The following SUSD1 variants were observed in gnomAD, a reference collection of about 807,000 sequenced individuals.
SUSD1 encodes sushi domain containing 1.
In SUSD1, 65 loss-of-function variants were observed where a neutral mutation model predicts 86.9. The ratio of observed to expected loss-of-function variants is 0.75; its 90% confidence interval spans 0.61 to 0.92. The LOEUF is 0.92. Among genes scored for constraint, SUSD1 ranks in the 40% least tolerant of loss-of-function variants. The pLI is 0.00. For missense variants in SUSD1, 850 were observed against 929.7 expected, an observed-to-expected ratio of 0.91 and a Z score of 1.11; for synonymous variants, 346 against 350.0, an observed-to-expected ratio of 0.99 and a Z score of 0.13.
intron 1 of SUSD1, among the ~76,000 whole-genome samples, chr9:112,162,323 G>A (rs1833606303): frequency 6.6e-6 from 1 of 152,124 alleles, no homozygotes; most frequent in African/African-American, 2.4e-5. Flanking sequence ...ATTTCTATAG[G>A]GAAATCATTT....
intron 15 of SUSD1, among the ~76,000 whole-genome samples, chr9:112,047,557 A>T (rs1361223238): frequency 6.6e-6 from 1 of 152,134 alleles, no homozygotes; most frequent in Non-Finnish European, 1.5e-5. Flanking sequence ...AACTCACTTG[A>T]AATTTAATCC....
chr9:112,120,601 G>A (rs937599055), intron 6 of SUSD1, among the ~76,000 whole-genome samples: 2 of 152,228 alleles, frequency 1.3e-5, no homozygotes, highest in African/African-American at 4.8e-5. Flanking sequence ...AGCTCTCAGG[G>A]AGAATGCCTT....
intron 15 of SUSD1, 81 bp downstream of exon 15, chr9:112,052,318 T>C (rs1442970320): frequency 1.9e-6 from 3 of 1,611,180 alleles, no homozygotes; most frequent in Non-Finnish European, 2.5e-6. Flanking sequence ...GTGACAATTA[T>C]ATAAACAGAT....
intron 5 of SUSD1, chr9:112,137,682 A>G (rs1314537372): frequency 6.6e-6 from 1 of 152,204 alleles, no homozygotes; most frequent in Non-Finnish European, 1.5e-5. Flanking sequence ...TAACTTAGCC[A>G]TGCACATCAC....
intron 2 of SUSD1, among the ~76,000 whole-genome samples, chr9:112,154,199 A>G (rs1486969938): frequency 6.6e-6 from 1 of 152,044 alleles, no homozygotes. Flanking sequence ...TATTAAAACT[A>G]TCAGTGGGGC....
chr9:112,051,431 TTTG>T lies in SUSD1; in HGVS notation c.2149+965_2149+967del, dbSNP rs1270494254. ...TTCTTTTTTTTTTTTTTTTTTTTTT[TTTG>T]TTGTTGTTGTTGTTGAGATGGAGTT... On this transcript the variant is annotated intron_variant, in intron 15 of 16. Transcript: ENST00000374270. 2.2e-3 allele frequency among the ~76,000 whole-genome samples: 236 copies of T among 109,706 alleles called. 11 individuals carry two copies. The highest frequency in any genetic ancestry group is 0.012 in the East Asian group (33 of 2,818). The allele number at this position is 109,706 out of a possible 152,430, so 72.0% of individuals were successfully genotyped here. A position where few individuals can be genotyped will look rare whatever the true frequency, so the allele number is the denominator to read the frequency against.
At chr9:112,072,286 A>AT (rs1193283194) in intron 12 of SUSD1, among the ~76,000 whole-genome samples, 9 of 150,824 alleles carry the variant, frequency 6.0e-5, no homozygotes, top group Admixed American at 6.0e-4. Context: ...GGTAGGTGGG[A>AT]TTACAAGCAC....
intron 16 of SUSD1, 47 bp downstream of exon 16, chr9:112,041,820 C>T (rs1196048353): frequency 1.9e-6 from 3 of 1,568,736 alleles, no homozygotes; most frequent in African/African-American, 1.4e-5. Flanking sequence ...TCTGACCCAT[C>T]CTCCCCTCCA....
chr9:112,089,044 C>A (rs996447700), intron 10 of SUSD1, among the ~76,000 whole-genome samples: 8 of 152,142 alleles, frequency 5.3e-5, no homozygotes, highest in African/African-American at 1.9e-4. Flanking sequence ...GAAGTTGTGG[C>A]TACAGTGAGC....
intron 10 of SUSD1, among the ~76,000 whole-genome samples, chr9:112,087,823 G>C (rs956012649): frequency 2.0e-5 from 3 of 152,140 alleles, no homozygotes; most frequent in East Asian, 1.9e-4. Context: ...TACAATTCAA[G>C]ATAACTTTAC....
At chr9:112,064,219 G>A (rs1828870667) in intron 12 of SUSD1, among the ~76,000 whole-genome samples, 1 of 152,116 alleles carries the variant, frequency 6.6e-6, no homozygotes, top group Non-Finnish European at 1.5e-5. Flanking sequence ...TCTGTGGCCT[G>A]TTAGGAACCA....
chr9:112,043,957 C>T (rs1437064519), intron 15 of SUSD1, among the ~76,000 whole-genome samples: 6 of 152,148 alleles, frequency 3.9e-5, no homozygotes, highest in African/African-American at 1.2e-4. Context: ...TACTCCACCA[C>T]GCCCGGCTAG....
At chr9:112,155,925 G>A (rs978079084) in intron 2 of SUSD1, among the ~76,000 whole-genome samples, 7 of 149,678 alleles carry the variant, frequency 4.7e-5, no homozygotes, top group African/African-American at 1.7e-4. Flanking sequence ...GGAGGAGGAA[G>A]AAGAAGGAAG....
chr9:112,106,005 T>G (rs1388645587), intron 8 of SUSD1, among the ~76,000 whole-genome samples: 21 of 152,176 alleles, frequency 1.4e-4, no homozygotes, highest in Admixed American at 1.4e-3. Context: ...TTTATTTATT[T>G]ATTTGAGACA....
rs1465037655 is a variant in SUSD1, at chr9:112,175,190, G to A, written c.46C>T (p.Pro16Ser). Residue 16 changes from proline (P) to serine (S), a missense_variant, in exon 1 of 17, where the codon CCG becomes TCG. Physicochemically the swap from Pro to Ser is moderately conservative, Grantham distance 74 (BLOSUM62 -1). Transcript: ENST00000374270. The surrounding 1 kb of genome is among the most constrained non-coding windows in gnomAD (Gnocchi z 4.7). ...GCCAGGCCGAGCAGCAGCAACAGCG[G>A]CAGCAGGCGGCGAGACGGGCCCGCA... ...WDAGPSRRLL[P>S]LLLLLGLARG... 8.7e-7 allele frequency: 1 copy of A among 1,152,128 alleles called. No homozygotes were observed. Among genetic ancestry groups the A allele is most frequent in the Non-Finnish European group, 1.1e-6 (1 of 939,152 alleles). 71.4% of individuals were successfully genotyped at this position (1,152,128 alleles called of 1,614,324 possible).
chr9:112,150,376 A>C (rs1832993810), intron 2 of SUSD1, among the ~76,000 whole-genome samples: 1 of 152,162 alleles, frequency 6.6e-6, no homozygotes, highest in African/African-American at 2.4e-5. Flanking sequence ...TCAACTTATG[A>C]ATTTGTAGCT....
At chr9:112,094,552 T>A (rs1414060078) in intron 10 of SUSD1, among the ~76,000 whole-genome samples, 1 of 152,192 alleles carries the variant, frequency 6.6e-6, no homozygotes, top group South Asian at 2.1e-4. Flanking sequence ...CACCTAGAAC[T>A]CTGTTCCTAG....
At chr9:112,061,799 TTATAA>T (rs928696418) in intron 13 of SUSD1, among the ~76,000 whole-genome samples, 1 of 152,180 alleles carries the variant, frequency 6.6e-6, no homozygotes, top group African/African-American at 2.4e-5. Context: ...TTTTGTAATT[TTATAA>T]TATCTCACTT....
intron 8 of SUSD1, among the ~76,000 whole-genome samples, chr9:112,109,703 C>G (rs1425071470): frequency 6.6e-6 from 1 of 152,188 alleles, no homozygotes; most frequent in Non-Finnish European, 1.5e-5. Context: ...TGACGCCAAA[C>G]AGCAACCTGT....
Sources: allele counts gnomAD v4.1 joint callset (sites outside exome capture counted in the v4.1 genomes callset), GRCh38; gene constraint gnomAD v4.1.1; non-coding constraint Gnocchi (gnomAD v3.1); transcripts MANE v1.5; gene names NCBI Gene and HGNC (gene_info 2026-07-23, HGNC 2026-07-21).